Variants in PKIA observed in about 807,000 individuals in gnomAD.
PKIA encodes the protein PKI-alpha.
Under a neutral mutation model 7.6 loss-of-function variants are expected in PKIA, and 4 were observed. That is an observed-to-expected ratio of 0.52 (90% CI 0.26 to 1.20). PKIA has a LOEUF of 1.20. Among genes scored for constraint, PKIA ranks in the 50% most tolerant of loss-of-function variants. The pLI, the probability that PKIA is intolerant of heterozygous loss-of-function variation, is 0.13. For missense variants in PKIA, 73 were observed against 86.2 expected (o/e 0.85, Z 0.61); for synonymous variants, 21 against 30.7 (o/e 0.68, Z 1.04).
intron 1 of PKIA, among the ~76,000 whole-genome samples, chr8:78,571,910 G>C (rs560116691): frequency 6.6e-6 from 1 of 152,170 alleles, no homozygotes; most frequent in East Asian, 1.9e-4. Context: ...AGATAGAAAA[G>C]AGTATGACAT....
rs1382806537 is a variant in PKIA at position 78,600,952 on chromosome 8, T to G, written c.152-790T>G. On this transcript the variant is annotated intron_variant, in intron 3 of 3. Coordinates refer to ENST00000396418, the MANE Select transcript of PKIA (RefSeq NM_006823.4). ...ATTATTGCAACACCTGAAAACATTT[T>G]GTTTGCCAAGCCATACTGGCTGCCT... 4.6e-5 allele frequency among the ~76,000 whole-genome samples: 7 copies of G among 152,210 alleles called. No individual in the cohort carries two copies. The East Asian group carries it at 1.4e-3, about 29-fold the overall frequency.
At chr8:78,596,277 C>T (rs912028312) in intron 2 of PKIA, among the ~76,000 whole-genome samples, 8 of 152,046 alleles carry the variant, frequency 5.3e-5, no homozygotes, top group South Asian at 4.2e-4. Flanking sequence ...TCACTCTCGC[C>T]GCCCAGGCTG....
At position 78,526,394 on chromosome 8, in the gene PKIA, C is replaced by A. The variant is rs546569558; in HGVS notation, c.-157+9926C>A. On this transcript the variant is annotated intron_variant, in intron 1 of 3. Transcript: ENST00000396418. ...TCACCTTATTTTCTTTGAATTGTAC[C>A]ACATGTCTAATCACTCGTTTCACTG... is the stretch of plus-strand genomic sequence containing the variant. Among the ~76,000 whole-genome samples, 3 of 151,950 alleles carry A rather than the reference C, an allele frequency of 2.0e-5. No individual in the cohort carries two copies. In the East Asian group the frequency reaches 5.8e-4, roughly 29 times the overall value.
At chr8:78,558,893 CTG>C (rs960134844) in intron 1 of PKIA, among the ~76,000 whole-genome samples, 1 of 152,010 alleles carries the variant, frequency 6.6e-6, no homozygotes, top group African/African-American at 2.4e-5. Flanking sequence ...ATGTTAGAAA[CTG>C]TGCATTTAAT....
At chr8:78,557,511 A>G (rs984528293) in intron 1 of PKIA, among the ~76,000 whole-genome samples, 1 of 152,208 alleles carries the variant, frequency 6.6e-6, no homozygotes, top group Non-Finnish European at 1.5e-5. Context: ...CAATTACTTC[A>G]GCATTGTGGG....
intron 2 of PKIA, among the ~76,000 whole-genome samples, chr8:78,579,069 T>C (rs989763460): frequency 2.0e-4 from 30 of 152,168 alleles, no homozygotes; most frequent in Middle Eastern, 3.4e-3. Flanking sequence ...ACTTTCACTT[T>C]CCAACAATTT....
intron 1 of PKIA, among the ~76,000 whole-genome samples, chr8:78,570,987 T>C (rs749012636): frequency 6.6e-6 from 1 of 152,128 alleles, no homozygotes; most frequent in Admixed American, 6.6e-5. Context: ...TAATAATTTG[T>C]ACTATCTGGA....
chr8:78,535,563 G>C, intron 1 of PKIA: 1 of 151,896 alleles, frequency 6.6e-6, no homozygotes, highest in East Asian at 1.9e-4. Context: ...TGCTGGGGGA[G>C]GAGGAAGAAA....
chr8:78,555,216 T>G (rs1807098372), intron 1 of PKIA, among the ~76,000 whole-genome samples: 1 of 152,048 alleles, frequency 6.6e-6, no homozygotes, highest in South Asian at 2.1e-4. Flanking sequence ...CTGAATTTCT[T>G]TCTCCCTTGA....
chr8:78,592,984 T>C (rs933890164), intron 2 of PKIA, among the ~76,000 whole-genome samples: 1 of 152,226 alleles, frequency 6.6e-6, no homozygotes, highest in Non-Finnish European at 1.5e-5. Context: ...ACCCATAGTT[T>C]AAGTCATGGT....
At chr8:78,591,596 T>G (rs1254280705) in intron 2 of PKIA, among the ~76,000 whole-genome samples, 1 of 152,174 alleles carries the variant, frequency 6.6e-6, no homozygotes, top group African/African-American at 2.4e-5. Flanking sequence ...TTTTAGAGAT[T>G]TATGCTTTAA....
chr8:78,550,150 G>A (rs1806947624), intron 1 of PKIA, among the ~76,000 whole-genome samples: 1 of 152,082 alleles, frequency 6.6e-6, no homozygotes, highest in Admixed American at 6.6e-5. Flanking sequence ...TGAAATAAAA[G>A]GGAGGCAAGT....
chr8:78,587,523 G>A (rs1278445392), intron 2 of PKIA, among the ~76,000 whole-genome samples: 2 of 152,044 alleles, frequency 1.3e-5, no homozygotes, highest in Non-Finnish European at 2.9e-5. Context: ...TTCTCAGCAG[G>A]GGTATTGCAA....
intron 1 of PKIA, among the ~76,000 whole-genome samples, chr8:78,538,865 G>A (rs1585878037): frequency 6.6e-6 from 1 of 152,116 alleles, no homozygotes; most frequent in South Asian, 2.1e-4. Context: ...ACACAACCCA[G>A]GGAAAAATGA....
chr8:78,583,826 G>T (rs1275675473), intron 2 of PKIA, among the ~76,000 whole-genome samples: 2 of 151,978 alleles, frequency 1.3e-5, no homozygotes, highest in Non-Finnish European at 2.9e-5. Flanking sequence ...AAGTTTGTGG[G>T]AGTCATTTAT....
chr8:78,556,030 TAGAA>T (rs1563577909), intron 1 of PKIA, among the ~76,000 whole-genome samples: 1 of 152,082 alleles, frequency 6.6e-6, no homozygotes, highest in Non-Finnish European at 1.5e-5. Context: ...TAAAATATGA[TAGAA>T]AGCACAGTTT....
At chr8:78,519,180 A>G (rs928290072) in intron 1 of PKIA, among the ~76,000 whole-genome samples, 2 of 116,008 alleles carry the variant, frequency 1.7e-5, no homozygotes, top group Non-Finnish European at 3.5e-5. Context: ...CCAATTGTGT[A>G]AAAAAAAAAA....
At chr8:78,561,600 C>T (rs1022993716) in intron 1 of PKIA, among the ~76,000 whole-genome samples, 3 of 152,030 alleles carry the variant, frequency 2.0e-5, no homozygotes, top group East Asian at 3.9e-4. Context: ...GTTGTACCCA[C>T]GTATGTATGA....
chr8:78,580,188 T>C (rs1807772436), intron 2 of PKIA, among the ~76,000 whole-genome samples: 1 of 152,048 alleles, frequency 6.6e-6, no homozygotes. Context: ...TTTTGTCACA[T>C]ATTGCTATAA....
Sources: gnomAD v4.1 joint callset for allele counts (sites outside exome capture counted in the v4.1 genomes callset) on GRCh38, gnomAD v4.1.1 for gene constraint, MANE v1.5 for transcripts, NCBI Gene and HGNC (gene_info 2026-07-23, HGNC 2026-07-21) for gene names.